The following HPSE2 variants were observed in gnomAD, a reference collection of about 807,000 sequenced individuals.
The protein encoded by HPSE2 is heparanase 2 (inactive).
Under a neutral mutation model 60.5 loss-of-function variants are expected in HPSE2, and 38 were observed. The observed-to-expected ratio is 0.63, with a 90% CI of 0.48 to 0.82. The LOEUF is 0.82. Among genes scored for constraint, HPSE2 ranks in the 40% least tolerant of loss-of-function variants. The pLI, the probability that HPSE2 is intolerant of heterozygous loss-of-function variation, is 0.00. For missense variants in HPSE2, 713 were observed against 740.4 expected, an observed-to-expected ratio of 0.96 and a Z score of 0.43; for synonymous variants, 295 against 293.2, an observed-to-expected ratio of 1.01 and a Z score of -0.06.
chr10:99,071,835 T>C (rs1023359602), intron 3 of HPSE2, among the ~76,000 whole-genome samples: 4 of 152,210 alleles, frequency 2.6e-5, no homozygotes, highest in Admixed American at 6.5e-5. Context: ...CTTTCCCTCA[T>C]TGCCTATTCT....
chr10:99,209,716 G>A (rs536758237), intron 2 of HPSE2, among the ~76,000 whole-genome samples: 36 of 152,288 alleles, frequency 2.4e-4, no homozygotes, highest in African/African-American at 8.4e-4. Flanking sequence ...TTGAGATGGA[G>A]TCTCGCTCTG....
chr10:98,610,804 G>A (rs937285475), intron 9 of HPSE2, among the ~76,000 whole-genome samples: 8 of 152,314 alleles, frequency 5.3e-5, no homozygotes, highest in African/African-American at 1.7e-4. Flanking sequence ...AGGTGTCCAT[G>A]CTTTTTGAAT....
chr10:99,182,161 A>G (rs938029186), intron 2 of HPSE2, among the ~76,000 whole-genome samples: 1 of 152,216 alleles, frequency 6.6e-6, no homozygotes, highest in Non-Finnish European at 1.5e-5. Context: ...TAATGTACTA[A>G]GCTTAAGGAT....
chr10:99,274,947 G>C, the HPSE2 span, among the ~76,000 whole-genome samples: 3 of 152,238 alleles, frequency 2.0e-5, no homozygotes, highest in Non-Finnish European at 2.9e-5. Flanking sequence ...TTCTTCAAGG[G>C]CACCCTTTTC....
At chr10:99,249,196 T>C in the HPSE2 span, among the ~76,000 whole-genome samples, 3 of 152,284 alleles carry the variant, frequency 2.0e-5, no homozygotes, top group African/African-American at 7.2e-5. Context: ...CAACAGCTTG[T>C]ACAGTGTGCC....
At chr10:99,260,736 C>T in the HPSE2 span, among the ~76,000 whole-genome samples, 10 of 152,208 alleles carry the variant, frequency 6.6e-5, no homozygotes, top group South Asian at 4.1e-4. Context: ...ACTTTGGGGA[C>T]ACCTGGTTTG....
At chr10:98,836,264 G>T (rs560795939) in intron 3 of HPSE2, among the ~76,000 whole-genome samples, 9 of 152,076 alleles carry the variant, frequency 5.9e-5, no homozygotes, top group Non-Finnish European at 1.2e-4. Context: ...AACTCAATTC[G>T]TTGAAATTTT....
intron 3 of HPSE2, among the ~76,000 whole-genome samples, chr10:98,892,064 C>A (rs1953351107): frequency 6.6e-6 from 1 of 152,158 alleles, no homozygotes. Context: ...AGCCACTGTG[C>A]CTGGCCAGTT....
chr10:99,238,677 A>G (rs1407467455), upstream of HPSE2, among the ~76,000 whole-genome samples: 1 of 152,226 alleles, frequency 6.6e-6, no homozygotes, highest in Non-Finnish European at 1.5e-5. Flanking sequence ...TAGCTGCCAC[A>G]CATATACCAT....
intron 9 of HPSE2, among the ~76,000 whole-genome samples, chr10:98,560,606 G>A (rs1269768304): frequency 6.6e-6 from 1 of 152,192 alleles, no homozygotes; most frequent in Admixed American, 6.5e-5. Flanking sequence ...CACCTCAGCA[G>A]GACATTGCCT....
intron 6 of HPSE2, among the ~76,000 whole-genome samples, chr10:98,660,787 T>C (rs1947202039): frequency 3.3e-5 from 5 of 152,224 alleles, no homozygotes; most frequent in Admixed American, 3.3e-4. Flanking sequence ...TCATGGCATT[T>C]GGTGTCCCTT....
chr10:98,921,788 G>A (rs1380387661), intron 3 of HPSE2, among the ~76,000 whole-genome samples: 1 of 152,110 alleles, frequency 6.6e-6, no homozygotes, highest in Non-Finnish European at 1.5e-5. Context: ...CTTCCCACAG[G>A]TGCAGGAGAA....
At chr10:98,754,239 T>C (rs1190477301) in intron 3 of HPSE2, among the ~76,000 whole-genome samples, 1 of 152,084 alleles carries the variant, frequency 6.6e-6, no homozygotes, top group African/African-American at 2.4e-5. Context: ...GCAGAATAGA[T>C]CAAGCTGAGG....
intron 3 of HPSE2, among the ~76,000 whole-genome samples, chr10:98,894,660 C>A (rs184343715): frequency 2.5e-3 from 374 of 151,992 alleles, no homozygotes; most frequent in Middle Eastern, 6.8e-3. Flanking sequence ...AAAGGTTCAA[C>A]ATATGTCCAA....
intron 7 of HPSE2, among the ~76,000 whole-genome samples, chr10:98,630,631 T>C (rs1352491572): frequency 6.6e-6 from 1 of 152,150 alleles, no homozygotes; most frequent in Non-Finnish European, 1.5e-5. Flanking sequence ...GTTAATTCTT[T>C]TATCCTCTGG....
intron 4 of HPSE2, among the ~76,000 whole-genome samples, chr10:98,722,844 AAATAT>A (rs1197721147): frequency 1.3e-5 from 2 of 152,154 alleles, no homozygotes; most frequent in African/African-American, 4.8e-5. Flanking sequence ...GACTTGCAAG[AAATAT>A]AATAGGAGAT....
intron 3 of HPSE2, among the ~76,000 whole-genome samples, chr10:98,911,954 T>C (rs1272993917): frequency 6.6e-6 from 1 of 152,164 alleles, no homozygotes; most frequent in African/African-American, 2.4e-5. Flanking sequence ...TCCTCTTCCA[T>C]AAAATAAAAA....
intron 8 of HPSE2, among the ~76,000 whole-genome samples, chr10:98,618,049 C>G (rs59344537): frequency 0.034 from 5,187 of 152,222 alleles, 102 homozygotes; most frequent in Middle Eastern, 0.058. Flanking sequence ...CCTACTCCCC[C>G]CCGCCACGAC....
At chr10:99,041,859 G>A (rs1000732226) in intron 3 of HPSE2, among the ~76,000 whole-genome samples, 13 of 152,160 alleles carry the variant, frequency 8.5e-5, no homozygotes, top group African/African-American at 3.1e-4. Context: ...CCCTGAGGCT[G>A]GGAAGGGAGC....
Sources: gnomAD v4.1 joint callset for allele counts (sites outside exome capture counted in the v4.1 genomes callset) on GRCh38, gnomAD v4.1.1 for gene constraint, MANE v1.5 for transcripts, NCBI Gene and HGNC (gene_info 2026-07-23, HGNC 2026-07-21) for gene names.